NRXN3: variants seen among roughly 807,000 people sequenced by gnomAD.
NRXN3 encodes neurexin 3.
A neutral mutation model predicts 137.6 loss-of-function variants in NRXN3; 32 were observed. The ratio of observed to expected loss-of-function variants is 0.23; its 90% CI spans 0.18 to 0.31. The LOEUF (loss-of-function observed/expected upper bound fraction) is 0.31, where lower values mean the gene tolerates loss of function less well. Ranked by LOEUF, NRXN3 falls within the 10% of genes least tolerant of loss-of-function variation. The probability of loss-of-function intolerance (pLI) is 1.00; values close to 1 mark genes in which losing one functional copy is unlikely to be tolerated. For synonymous variants in NRXN3, 798 were observed against 784.5 expected (o/e 1.02, Z -0.29); for missense variants, 1,574 against 2,062.5 (o/e 0.76, Z 4.59).
At chr14:79,137,438 C>T (rs1456600715) in intron 15 of NRXN3, among the ~76,000 whole-genome samples, 1 of 76,824 alleles carries the variant, frequency 1.3e-5, no homozygotes, top group Non-Finnish European at 2.5e-5. Flanking sequence ...CACATACACC[C>T]CGCCTAAAAA....
chr14:78,960,400 T>C (rs2099405817), intron 11 of NRXN3, among the ~76,000 whole-genome samples: 1 of 152,222 alleles, frequency 6.6e-6, no homozygotes, highest in Admixed American at 6.5e-5. Flanking sequence ...GCTTATTTAG[T>C]AATCCCTTTA....
chr14:79,504,502 A>T (rs1319919055), intron 16 of NRXN3, among the ~76,000 whole-genome samples: 2 of 151,538 alleles, frequency 1.3e-5, no homozygotes, highest in Admixed American at 1.3e-4. Flanking sequence ...CCAACCACTG[A>T]ATCATCATTT....
intron 4 of NRXN3, among the ~76,000 whole-genome samples, chr14:78,314,948 TTCCTTCCTTC>T (rs1277816647): frequency 8.6e-5 from 7 of 80,928 alleles, no homozygotes; most frequent in African/African-American, 3.7e-4. Context: ...TCTTTCTTCC[TTCCTTCCTTC>T]CTTCCTTCCT....
At chr14:79,576,535 A>G (rs1247886263) in intron 16 of NRXN3, among the ~76,000 whole-genome samples, 1 of 152,172 alleles carries the variant, frequency 6.6e-6, no homozygotes, top group Non-Finnish European at 1.5e-5. Flanking sequence ...ATGGAATGGG[A>G]GAGCTCTCCC....
chr14:79,622,030 G>C (rs1224284301), intron 16 of NRXN3, among the ~76,000 whole-genome samples: 2 of 152,216 alleles, frequency 1.3e-5, no homozygotes, highest in Non-Finnish European at 2.9e-5. Context: ...TGCAGATTGA[G>C]AGGCACTGGG....
At chr14:78,967,960 T>G (rs1208967974) in intron 13 of NRXN3, among the ~76,000 whole-genome samples, 2 of 149,986 alleles carry the variant, frequency 1.3e-5, no homozygotes, top group African/African-American at 4.9e-5. Context: ...ATTTTTGAGA[T>G]GGTATATATA....
intron 15 of NRXN3, among the ~76,000 whole-genome samples, chr14:79,059,250 C>CTTTTTTTTTT (rs869266975): frequency 2.6e-5 from 2 of 78,318 alleles, no homozygotes; most frequent in African/African-American, 5.1e-5. Flanking sequence ...AGGCCCTATT[C>CTTTTTTTTTT]TTTTTTTTTT....
intron 15 of NRXN3, among the ~76,000 whole-genome samples, chr14:79,035,785 A>G (rs1437257249): frequency 2.6e-5 from 4 of 152,082 alleles, no homozygotes; most frequent in Non-Finnish European, 5.9e-5. Context: ...CTACTTCTAT[A>G]TCTAAGTATT....
rs1055053663 is a variant in NRXN3 at position 78,893,930 on chromosome 14, A to G, written c.2276-63312A>G. Among the ~76,000 whole-genome samples, 9 of 152,084 alleles carry G rather than the reference A, an allele frequency of 5.9e-5. 1 individual carries two copies. In the East Asian group the frequency reaches 1.7e-3, roughly 30 times the overall value. On this transcript the variant is annotated intron_variant, in intron 10 of 20. Transcript: ENST00000335750. ...TACTCTATAGTCTATTAAGTATGCA[A>G]TAGAATGATGTCTAAAATAAAATGT...
chr14:79,813,550 A>C (rs1387041987), intron 20 of NRXN3, among the ~76,000 whole-genome samples: 2 of 152,146 alleles, frequency 1.3e-5, no homozygotes, highest in African/African-American at 4.8e-5. Context: ...TAGATATACA[A>C]ATCAAACAAG....
chr14:79,601,822 A>G (rs1188073575), intron 16 of NRXN3, among the ~76,000 whole-genome samples: 1 of 152,210 alleles, frequency 6.6e-6, no homozygotes, highest in Non-Finnish European at 1.5e-5. Context: ...CTCAGGCAAG[A>G]CTGACACTAA....
At chr14:79,190,991 C>G (rs2064227076) in intron 15 of NRXN3, among the ~76,000 whole-genome samples, 1 of 152,126 alleles carries the variant, frequency 6.6e-6, no homozygotes, top group South Asian at 2.1e-4. Context: ...ATTGAGTTTC[C>G]CATCTCCACT....
At chr14:78,827,992 T>C (rs182161353) in intron 10 of NRXN3, among the ~76,000 whole-genome samples, 2 of 152,344 alleles carry the variant, frequency 1.3e-5, no homozygotes, top group East Asian at 3.9e-4. Flanking sequence ...CTATTCAAAT[T>C]GATTTGTAAC....
At chr14:78,436,496 G>A (rs531954271) in intron 4 of NRXN3, among the ~76,000 whole-genome samples, 34 of 152,260 alleles carry the variant, frequency 2.2e-4, no homozygotes, top group African/African-American at 7.7e-4. Context: ...GCAGATTGGG[G>A]ATTTTATTCC....
At chr14:78,409,930 C>A (rs10139602) in intron 4 of NRXN3, among the ~76,000 whole-genome samples, 6 of 151,928 alleles carry the variant, frequency 3.9e-5, no homozygotes, top group South Asian at 2.1e-4. Context: ...TACCTTGATA[C>A]AAGATCTCAT....
chr14:79,231,121 A>T lies in NRXN3; in HGVS notation c.3263-236100A>T, dbSNP rs549300699. Reference sequence around the variant, plus strand: ...TCAGAGCAAGATGTTCAAAAGCAAGACTAAACAATTTGATTCCTGGGATCA... The same window carrying T: ...TCAGAGCAAGATGTTCAAAAGCAAGTCTAAACAATTTGATTCCTGGGATCA... On this transcript the variant is annotated intron_variant, in intron 15 of 20. Transcript: ENST00000335750. Among the ~76,000 whole-genome samples the T allele has an allele frequency of 2.6e-5, 4 of 152,294 alleles. No homozygotes were observed. In the East Asian group the frequency reaches 5.8e-4, roughly 22 times the overall value.
At chr14:78,771,987 A>G (rs1194916545) in intron 8 of NRXN3, among the ~76,000 whole-genome samples, 1 of 152,212 alleles carries the variant, frequency 6.6e-6, no homozygotes, top group Non-Finnish European at 1.5e-5. Flanking sequence ...AAGTCTAAAC[A>G]TGAAATTCAT....
chr14:79,567,352 C>T (rs79997420), intron 16 of NRXN3, among the ~76,000 whole-genome samples: 1,762 of 151,934 alleles, frequency 0.012, 21 homozygotes, highest in Middle Eastern at 0.041. Context: ...AACTGACCTC[C>T]GGACACAAGA....
chr14:79,290,265 A>G (rs1489431184), intron 15 of NRXN3, among the ~76,000 whole-genome samples: 1 of 152,194 alleles, frequency 6.6e-6, no homozygotes, highest in Non-Finnish European at 1.5e-5. Context: ...TGTGTGGCAC[A>G]TTTAAATGAA....
Sources: gnomAD v4.1 joint callset for allele counts (sites outside exome capture counted in the v4.1 genomes callset) on GRCh38, gnomAD v4.1.1 for gene constraint, MANE v1.5 for transcripts, NCBI Gene and HGNC (gene_info 2026-07-23, HGNC 2026-07-21) for gene names.